EML1: variants seen among roughly 807,000 people sequenced by gnomAD.
EML1 encodes echinoderm microtubule-associated protein-like 1.
In EML1, 27 loss-of-function variants were observed where a neutral mutation model predicts 110.4. The observed-to-expected ratio is 0.24, with a 90% confidence interval of 0.18 to 0.34. The LOEUF (loss-of-function observed/expected upper bound fraction) is 0.34. EML1 is among the 10% of genes least tolerant of loss of function. The pLI, the probability that EML1 is intolerant of heterozygous loss-of-function variation, is 1.00. For missense variants in EML1, 741 were observed against 1,030.9 expected (o/e 0.72, Z 3.85); for synonymous variants, 344 against 385.8 (o/e 0.89, Z 1.27).
chr14:99,917,661 C>A, intron 15 of EML1, 121 bp from the exon 16 acceptor site: 3 of 866,768 alleles, frequency 3.5e-6, no homozygotes, highest in East Asian at 2.6e-5. Context: ...TCAAATAGAG[C>A]CATATAGCCC....
At chr14:99,828,523 A>G (rs1190293566) in intron 1 of EML1, among the ~76,000 whole-genome samples, 1 of 152,162 alleles carries the variant, frequency 6.6e-6, no homozygotes, top group Non-Finnish European at 1.5e-5. Context: ...CTATTTTATT[A>G]TTAGTTATTT....
chr14:99,889,013 G>A (rs750058190), intron 4 of EML1, among the ~76,000 whole-genome samples: 1 of 152,198 alleles, frequency 6.6e-6, no homozygotes, highest in African/African-American at 2.4e-5. Context: ...CGGACAGGCG[G>A]CTGAGAGAGA....
intron 17 of EML1, among the ~76,000 whole-genome samples, chr14:99,929,666 T>C (rs1332528853): frequency 2.6e-5 from 4 of 152,230 alleles, no homozygotes; most frequent in Admixed American, 2.0e-4. Context: ...TGTGGATTAC[T>C]ATCTCATTTT....
chr14:99,939,359 C>T lies in EML1; in HGVS notation c.2322+32C>T, dbSNP rs200329000. On this transcript the variant is annotated intron_variant, in intron 21 of 21. Transcript: ENST00000262233. The surrounding 1 kb of genome is among the most constrained non-coding windows in gnomAD (Gnocchi z 4.2). ...GACTTGTTTCTTCACTAATCTTATC[C>T]CCCATGGGGCATGCACGTACACCCG... The T allele has an allele frequency of 1.5e-5, 24 of 1,613,064 alleles. No individual in the cohort carries two copies. In the Admixed American group the frequency reaches 3.5e-4, roughly 24 times the overall value.
intron 1 of EML1, among the ~76,000 whole-genome samples, chr14:99,747,323 G>A (rs1029931685): frequency 3.3e-5 from 5 of 152,128 alleles, no homozygotes; most frequent in African/African-American, 1.2e-4. Context: ...CCTGGACCAA[G>A]GGACCAGCCT....
intron 1 of EML1, among the ~76,000 whole-genome samples, chr14:99,830,321 C>T (rs910575273): frequency 1.2e-4 from 18 of 151,924 alleles, no homozygotes; most frequent in African/African-American, 4.4e-4. Flanking sequence ...AAGGTCTTTG[C>T]CCATTTTGAA....
At chr14:99,854,333 T>C (rs184526983) in intron 2 of EML1, among the ~76,000 whole-genome samples, 48 of 152,370 alleles carry the variant, frequency 3.2e-4, no homozygotes, top group African/African-American at 1.0e-3. Flanking sequence ...CTGACTATCA[T>C]TCTTCATATG....
chr14:99,781,166 C>T lies in EML1; in HGVS notation c.-27+7153C>T, dbSNP rs1369614859. Among the ~76,000 whole-genome samples the T allele has an allele frequency of 1.3e-5, 2 of 152,008 alleles. No individual in the cohort carries two copies. Among genetic ancestry groups the T allele is most frequent in the African/African-American group, 4.8e-5 (2 of 41,370 alleles). On this transcript the variant is annotated intron_variant, in intron 1 of 22. Coordinates refer to the EML1 transcript ENST00000327921. This position sits in a 1 kb window ranked among gnomAD's most constrained non-coding sequence, Gnocchi z 4.2. ...CCGCCTCCCTTCTCCTTGACTCGTC[C>T]CCAGCTTCTAATTCTTTCCTCTAAT...
intron 17 of EML1, among the ~76,000 whole-genome samples, chr14:99,927,800 T>TG (rs1242810612): frequency 1.4e-3 from 2 of 1,464 alleles, no homozygotes; most frequent in Non-Finnish European, 2.7e-3. Flanking sequence ...GTATTGGTGG[T>TG]GGGGGGGGTG....
At position 99,827,050 on chromosome 14, in the gene EML1, G is replaced by C. The variant is rs932249988; in HGVS notation, c.68-23803G>C. On this transcript the variant is annotated intron_variant, in intron 1 of 21. Coordinates refer to ENST00000262233, the MANE Select transcript of EML1 (RefSeq NM_004434.3). This position sits in a 1 kb window ranked among gnomAD's most constrained non-coding sequence, Gnocchi z 4.4. ...CTGAATAAATACAGCAGTGCTGCAG[G>C]CAGTCCCAGGGAGCCAGTCACTGAC... 6.6e-6 allele frequency among the ~76,000 whole-genome samples: 1 copy of C among 152,198 alleles called. No individual in the cohort carries two copies. The highest frequency in any genetic ancestry group is 2.4e-5 in the African/African-American group (1 of 41,444).
rs1343367798 is a variant in EML1, at chr14:99,797,500, G to T, written c.67+3957G>T. Among the ~76,000 whole-genome samples, 3 of 152,148 alleles carry T rather than the reference G, an allele frequency of 2.0e-5. No individual in the cohort carries two copies. In the East Asian group the frequency reaches 5.8e-4, roughly 29 times the overall value. ...TTGCTAGGTCATATGGTAACTCTGG[G>T]CTTAACATTTTTAGGAACCAGTCTT... On this transcript the variant is annotated intron_variant, in intron 1 of 21. Transcript: ENST00000262233.
At position 99,920,825 on chromosome 14, in the gene EML1, C is replaced by T. The variant is rs763630052; in HGVS notation, c.1857C>T (p.Val619=). ...FVFDTETKDL[V]TVHTDGNEQL... The stretch of plus-strand genomic sequence containing the variant: ...TTGACACAGAAACAAAAGACTTGGT[C>T]ACCGTTCACACAGATGGAAACGAAC... The change falls in exon 17 of 22, where the codon GTC becomes GTT. Residue 619 remains valine (V), a synonymous_variant. Transcript: ENST00000262233. The T allele has an allele frequency of 1.2e-6, 2 of 1,613,710 alleles. No homozygotes were observed. Among genetic ancestry groups the T allele is most frequent in the Admixed American group, 1.7e-5 (1 of 59,940 alleles).
intron 1 of EML1, among the ~76,000 whole-genome samples, chr14:99,840,654 T>G (rs554053789): frequency 6.6e-6 from 1 of 152,146 alleles, no homozygotes; most frequent in Non-Finnish European, 1.5e-5. Flanking sequence ...AGGGAACAGA[T>G]TCTAAGTTAA....
chr14:99,788,038 G>A (rs1420644874), intron 1 of EML1, among the ~76,000 whole-genome samples: 1 of 152,086 alleles, frequency 6.6e-6, no homozygotes, highest in Non-Finnish European at 1.5e-5. Context: ...AAAATCAGAA[G>A]CCCCTGACAG....
In EML1 at chr14:99,936,458, A is replaced by C; in HGVS notation, c.2095+124A>C. On this transcript the variant is annotated intron_variant, in intron 19 of 21. Coordinates refer to ENST00000262233, the MANE Select transcript of EML1 (RefSeq NM_004434.3). This position sits in a 1 kb window ranked among gnomAD's most constrained non-coding sequence, Gnocchi z 5.5. ...AGGCACGTGCCATCATCTCTAGGTC[A>C]TGGTTTCCGCCTCTGTAACGTAGGG... 3.5e-6 allele frequency: 3 copies of C among 865,184 alleles called. No individual in the cohort carries two copies. The East Asian group carries it at 7.9e-5, about 23-fold the overall frequency. 53.6% of individuals were successfully genotyped at this position (865,184 alleles called of 1,614,324 possible).
upstream of EML1, among the ~76,000 whole-genome samples, chr14:99,771,258 C>T (rs1283772911): frequency 6.6e-6 from 1 of 152,202 alleles, no homozygotes; most frequent in African/African-American, 2.4e-5. Flanking sequence ...CCCTCAGTCT[C>T]TGGGCAACCA....
chr14:99,935,924 T>C (rs2060462233), intron 17 of EML1, 105 bp from the exon 18 acceptor site: 8 of 1,022,890 alleles, frequency 7.8e-6, no homozygotes, highest in Non-Finnish European at 1.2e-5. Context: ...AATTCATTAA[T>C]CTGGTGATTT....
At chr14:99,776,931 ATTT>A (rs2057489110) in intron 1 of EML1, among the ~76,000 whole-genome samples, 4 of 152,226 alleles carry the variant, frequency 2.6e-5, no homozygotes, top group Admixed American at 6.5e-5. Flanking sequence ...ACCTCAACTG[ATTT>A]CAAATGTAGA....
At chr14:99,908,753 G>A (rs1005330629) in intron 10 of EML1, among the ~76,000 whole-genome samples, 4 of 152,182 alleles carry the variant, frequency 2.6e-5, no homozygotes, top group Non-Finnish European at 5.9e-5. Flanking sequence ...ACCCCAGGCC[G>A]GTTCACTGAG....
Sources: gnomAD v4.1 joint callset for allele counts (sites outside exome capture counted in the v4.1 genomes callset) on GRCh38, gnomAD v4.1.1 for gene constraint, Gnocchi (gnomAD v3.1) non-coding constraint, MANE v1.5 for transcripts, NCBI Gene and HGNC (gene_info 2026-07-23, HGNC 2026-07-21) for gene names.